The following CLVS1 variants were observed in gnomAD, a reference collection of about 807,000 sequenced individuals.
CLVS1 encodes clavesin 1.
Under a neutral mutation model 33.1 loss-of-function variants are expected in CLVS1, and 10 were observed. The observed-to-expected ratio is 0.30, with a 90% CI of 0.19 to 0.51. The LOEUF (loss-of-function observed/expected upper bound fraction) is 0.51. Among genes scored for constraint, CLVS1 ranks in the 20% least tolerant of loss-of-function variants. CLVS1 has a pLI of 0.97. For synonymous variants in CLVS1, 163 were observed against 166.1 expected, an observed-to-expected ratio of 0.98 and a Z score of 0.14; for missense variants, 343 against 433.4, an observed-to-expected ratio of 0.79 and a Z score of 1.85.
chr8:61,428,066 T>C (rs1317845653), intron 3 of CLVS1, among the ~76,000 whole-genome samples: 1 of 152,250 alleles, frequency 6.6e-6, no homozygotes, highest in Non-Finnish European at 1.5e-5. Context: ...GTCTTTATTT[T>C]AACAGGAGAT....
At chr8:61,487,887 C>G (rs947102042) in intron 5 of CLVS1, among the ~76,000 whole-genome samples, 2 of 152,182 alleles carry the variant, frequency 1.3e-5, no homozygotes, top group Admixed American at 1.3e-4. Context: ...TTTCGTCAGC[C>G]ATTGCCAACT....
chr8:61,187,971 C>T (rs1807377362), intron 2 of CLVS1, among the ~76,000 whole-genome samples: 1 of 152,010 alleles, frequency 6.6e-6, no homozygotes, highest in East Asian at 1.9e-4. Flanking sequence ...TGCAAGAGAA[C>T]AGCAACGCAG....
chr8:61,043,735 G>C, the CLVS1 span, among the ~76,000 whole-genome samples: 29,743 of 152,132 alleles, frequency 0.2, 3,961 homozygotes, highest in African/African-American at 0.38. Context: ...TGGGCATTCT[G>C]CAGAACATTG....
At chr8:61,268,329 C>T (rs1488409429) in intron 2 of CLVS1, among the ~76,000 whole-genome samples, 3 of 151,858 alleles carry the variant, frequency 2.0e-5, no homozygotes, top group Admixed American at 6.6e-5. Context: ...ATCCATGTCC[C>T]TACAAAGGAC....
chr8:61,495,799 A>T (rs2129608795), intron 5 of CLVS1, among the ~76,000 whole-genome samples: 1 of 152,316 alleles, frequency 6.6e-6, no homozygotes, highest in South Asian at 2.1e-4. Flanking sequence ...AAGAAAGTGA[A>T]GCAATTATTT....
chr8:61,398,199 T>C (rs1814610963), intron 3 of CLVS1, among the ~76,000 whole-genome samples: 1 of 146,214 alleles, frequency 6.8e-6, no homozygotes. Flanking sequence ...TTTTTTTTTT[T>C]GAGACAGAGT....
At chr8:61,046,927 A>G in the CLVS1 span, among the ~76,000 whole-genome samples, 1 of 152,190 alleles carries the variant, frequency 6.6e-6, no homozygotes, top group Non-Finnish European at 1.5e-5. Flanking sequence ...CAATCACGTC[A>G]TCTGCAAACA....
At chr8:61,410,988 TCTC>T (rs763114543) in intron 3 of CLVS1, among the ~76,000 whole-genome samples, 4 of 152,142 alleles carry the variant, frequency 2.6e-5, no homozygotes, top group Admixed American at 6.5e-5. Context: ...AGAACCTTGT[TCTC>T]CTCCTACGCT....
At position 61,401,493 on chromosome 8, in the gene CLVS1, TTAAA is replaced by T. The variant is rs1293180490; in HGVS notation, c.630+24717_630+24720del. Among the ~76,000 whole-genome samples, 14 of 151,938 alleles carry T rather than the reference TTAAA, an allele frequency of 9.2e-5. No individual in the cohort carries two copies. In the East Asian group the frequency reaches 9.7e-4, roughly 10 times the overall value. ...TCACCACCACCTTATTTTAAAATCT[TTAAA>T]TAGGGAAATGAAGGACTTCTTCAAG... On this transcript the variant is annotated intron_variant, in intron 3 of 5. Transcript: ENST00000325897.
chr8:61,138,443 A>G (rs964119968), intron 2 of CLVS1, among the ~76,000 whole-genome samples: 8 of 152,270 alleles, frequency 5.3e-5, no homozygotes, highest in Admixed American at 5.2e-4. Flanking sequence ...GTGGCTGATC[A>G]GACTTAACTA....
intron 2 of CLVS1, among the ~76,000 whole-genome samples, chr8:61,193,526 A>G (rs1054808348): frequency 6.6e-6 from 1 of 152,124 alleles, no homozygotes; most frequent in Admixed American, 6.6e-5. Context: ...AATAAAAAAA[A>G]AAGAAAAACT....
chr8:61,272,122 C>T (rs1214058417), intron 2 of CLVS1, among the ~76,000 whole-genome samples: 8 of 151,152 alleles, frequency 5.3e-5, no homozygotes, highest in Admixed American at 1.3e-4. Context: ...GATTTTGCAG[C>T]GGCTGGTACT....
chr8:61,201,639 G>A (rs1252923205), intron 2 of CLVS1, among the ~76,000 whole-genome samples: 1 of 152,106 alleles, frequency 6.6e-6, no homozygotes, highest in African/African-American at 2.4e-5. Context: ...GGGCCAAAGA[G>A]TTCATGTTTT....
intron 1 of CLVS1, among the ~76,000 whole-genome samples, chr8:61,290,509 T>A (rs1202133754): frequency 6.6e-6 from 1 of 152,186 alleles, no homozygotes; most frequent in African/African-American, 2.4e-5. Flanking sequence ...AATCATGGAG[T>A]AGACAGCTGG....
At chr8:60,981,239 C>T in the CLVS1 span, among the ~76,000 whole-genome samples, 1 of 152,224 alleles carries the variant, frequency 6.6e-6, no homozygotes, top group Admixed American at 6.5e-5. Flanking sequence ...GATTCCTTCT[C>T]AGAACAATGG....
chr8:61,022,526 A>G, the CLVS1 span, among the ~76,000 whole-genome samples: 2 of 152,236 alleles, frequency 1.3e-5, no homozygotes, highest in Non-Finnish European at 2.9e-5. Context: ...TGAATAAATA[A>G]ATACATTTAA....
At chr8:61,485,332 A>G (rs62526504) in intron 5 of CLVS1, among the ~76,000 whole-genome samples, 86,049 of 152,032 alleles carry the variant, frequency 0.57, 27,924 homozygotes, top group Non-Finnish European at 0.72. Context: ...CAGTCAACAG[A>G]CACATGAAAA....
chr8:61,265,662 C>T (rs1809289905), intron 2 of CLVS1, among the ~76,000 whole-genome samples: 1 of 152,092 alleles, frequency 6.6e-6, no homozygotes, highest in East Asian at 1.9e-4. Flanking sequence ...CAGCCCCTGT[C>T]CAGACTGTAA....
intron 5 of CLVS1, among the ~76,000 whole-genome samples, chr8:61,494,956 G>A (rs556894747): frequency 1.3e-3 from 202 of 152,264 alleles, no homozygotes; most frequent in Middle Eastern, 3.4e-3. Flanking sequence ...AAAATAAAAA[G>A]TTATGTTTGG....
Sources: allele counts gnomAD v4.1 joint callset (sites outside exome capture counted in the v4.1 genomes callset), GRCh38; gene constraint gnomAD v4.1.1; transcripts MANE v1.5; gene names NCBI Gene and HGNC (gene_info 2026-07-23, HGNC 2026-07-21).